APOBEC3G: variants seen among roughly 807,000 people sequenced by gnomAD.
APOBEC3G encodes the protein DNA dC->dU-editing enzyme APOBEC-3G.
Under a neutral mutation model 50.0 loss-of-function variants are expected in APOBEC3G, and 44 were observed. The ratio of observed to expected loss-of-function variants is 0.88; its 90% CI spans 0.69 to 1.13. The LOEUF (loss-of-function observed/expected upper bound fraction) is 1.13. Ranked by LOEUF, APOBEC3G falls within the 50% of genes most tolerant of loss-of-function variation. The pLI is 0.00. For synonymous variants in APOBEC3G, 156 were observed against 175.3 expected (o/e 0.89, Z 0.87); for missense variants, 469 against 492.0 (o/e 0.95, Z 0.44).
chr22:39,086,647 G>C (rs776823029), intron 6 of APOBEC3G, 80 bp downstream of exon 6: 49 of 1,508,304 alleles, frequency 3.2e-5, no homozygotes, highest in Admixed American at 8.4e-5. Context: ...AGTGGGGAGG[G>C]TCGGCATCCC....
At chr22:39,086,692 C>A in intron 6 of APOBEC3G, 125 bp downstream of exon 6, 2 of 1,327,924 alleles carry the variant, frequency 1.5e-6, no homozygotes, top group Non-Finnish European at 2.1e-6. Flanking sequence ...CCTGCAGAGG[C>A]GATGGCTGCA....
intron 5 of APOBEC3G, among the ~76,000 whole-genome samples, chr22:39,084,620 G>A (rs553181755): frequency 9.8e-4 from 149 of 152,264 alleles, no homozygotes; most frequent in African/African-American, 3.5e-3. Flanking sequence ...TGGGATTTGA[G>A]GATCAGGGCC....
intron 1 of APOBEC3G, 186 bp from the exon 2 acceptor site, chr22:39,078,746 C>A: frequency 1.4e-6 from 1 of 697,832 alleles, no homozygotes; most frequent in Non-Finnish European, 2.2e-6. Flanking sequence ...GAATTTCGCT[C>A]TTGTCGCCCA....
At chr22:39,083,926 A>C (rs1355140345) in intron 5 of APOBEC3G, 42 bp downstream of exon 5, 1 of 1,595,300 alleles carries the variant, frequency 6.3e-7, no homozygotes, top group South Asian at 1.1e-5. Context: ...GGCCCTCCCA[A>C]CCCAGGGACA....
At chr22:39,082,308 T>C (rs1322565097) in intron 4 of APOBEC3G, 1 of 152,400 alleles carries the variant, frequency 6.6e-6, no homozygotes, top group Non-Finnish European at 1.5e-5. Flanking sequence ...AGGTCTCATT[T>C]AAGTTAATCA....
At position 39,083,666 on chromosome 22, in the gene APOBEC3G, G is replaced by A. The variant is rs1240927663; in HGVS notation, c.582-65G>A. 4 of 1,561,516 alleles carry A rather than the reference G, an allele frequency of 2.6e-6. No homozygotes were observed. In the South Asian group the frequency reaches 4.7e-5, roughly 18 times the overall value. ...GGGTGCAAGGGAGGAAGCGTGGAGA[G>A]GGAGGGGGAGGTGGGACAGACCAGG... On this transcript the variant is annotated intron_variant, in intron 4 of 7. Coordinates refer to ENST00000407997, the MANE Select transcript of APOBEC3G (RefSeq NM_021822.4).
chr22:39,077,801 C>G (rs560268388), intron 1 of APOBEC3G, among the ~76,000 whole-genome samples: 4 of 152,280 alleles, frequency 2.6e-5, no homozygotes, highest in East Asian at 1.9e-4. Context: ...TGCTTAAATA[C>G]CAAGTCTTAG....
In APOBEC3G at chr22:39,079,612, A is replaced by G. The variant is rs1489338327; in HGVS notation, c.171+527A>G. The G allele has an allele frequency of 2.0e-5, 3 of 152,406 alleles. No individual in the cohort carries two copies. In the East Asian group the frequency reaches 5.8e-4, roughly 30 times the overall value. 9.4% of individuals were successfully genotyped at this position (152,406 alleles called of 1,614,324 possible). A position where few individuals can be genotyped will look rare whatever the true frequency, so the allele number is the denominator to read the frequency against. On this transcript the variant is annotated intron_variant, in intron 2 of 7. Coordinates refer to ENST00000407997, the MANE Select transcript of APOBEC3G (RefSeq NM_021822.4). ...TGTTGGGATTACAGGTGTGAGCCAC[A>G]GCGCCGGCCTAATTTTAATATTTAA... is the stretch of plus-strand genomic sequence containing the variant.
At position 39,083,737 on chromosome 22, in the gene APOBEC3G, G is replaced by A. The variant is rs200230305; in HGVS notation, c.588G>A (p.Ser196=). 1.2e-5 allele frequency: 20 copies of A among 1,613,770 alleles called. No individual in the cohort carries two copies. The East Asian group carries it at 3.6e-4, about 29-fold the overall frequency. Residue 196 remains serine (S), a synonymous_variant, in exon 5 of 8, where the codon TCG becomes TCA. Coordinates refer to ENST00000407997, the MANE Select transcript of APOBEC3G (RefSeq NM_021822.4). Reference sequence around the variant, plus strand: ...CTTTTCCCCCACTTTCCAGACACTCGATGGATCCACCCACATTCACTTTCA... The same window carrying A: ...CTTTTCCCCCACTTTCCAGACACTCAATGGATCCACCCACATTCACTTTCA... ...HIMLGEILRH[S]MDPPTFTFNF...
At chr22:39,077,504 C>G (rs1427055174) in intron 1 of APOBEC3G, 126 bp downstream of exon 1, 9 of 1,484,466 alleles carry the variant, frequency 6.1e-6, no homozygotes, top group Non-Finnish European at 6.4e-6. Context: ...CCTCTGACTC[C>G]CCTGCACCCC....
chr22:39,078,289 AAAC>A (rs1301109236), intron 1 of APOBEC3G, among the ~76,000 whole-genome samples: 12 of 152,184 alleles, frequency 7.9e-5, no homozygotes, highest in African/African-American at 2.7e-4. Context: ...ACAAAAGAAA[AAAC>A]ATGGAATATA....
Position 39,083,894 on chromosome 22 carries a change from C to A in APOBEC3G, c.735+10C>A. ...CTTTCTATGCAACCAGGTGACCAAC[C>A]CAGCCACCCGCATCCAGGCAGGGCC... On this transcript the variant is annotated intron_variant, in intron 5 of 7. Coordinates refer to ENST00000407997, the MANE Select transcript of APOBEC3G (RefSeq NM_021822.4). The A allele has an allele frequency of 6.2e-7, 1 of 1,611,118 alleles. No homozygotes were observed. The highest frequency in any genetic ancestry group is 1.3e-5 in the African/African-American group (1 of 74,986).
At chr22:39,080,765 T>C (rs1928400990) in intron 2 of APOBEC3G, 168 bp from the exon 3 acceptor site, 2 of 655,552 alleles carry the variant, frequency 3.1e-6, no homozygotes, top group Admixed American at 2.9e-5. Context: ...ATACTGAACA[T>C]GAGCTTTGGA....
chr22:39,087,112 C>A lies in APOBEC3G; in HGVS notation c.1126C>A (p.Arg376=). 1.2e-6 allele frequency: 2 copies of A among 1,613,954 alleles called. No individual in the cohort carries two copies. The highest frequency in any genetic ancestry group is 1.7e-4 in the Middle Eastern group (1 of 5,932). The stretch of plus-strand genomic sequence containing the variant: ...CAGCCAAGACCTGAGTGGGAGGCTG[C>A]GGGCCATTCTCCAGGTGAGGGCTTC... ...EHSQDLSGRL[R]AILQNQEN is the part of the protein sequence containing the mutation. Residue 376 remains arginine (R), a synonymous_variant, in exon 7 of 8, where the codon CGG becomes AGG. Coordinates refer to ENST00000407997, the MANE Select transcript of APOBEC3G (RefSeq NM_021822.4).
intron 1 of APOBEC3G, 158 bp from the exon 2 acceptor site, chr22:39,078,774 G>T: frequency 2.0e-6 from 2 of 986,650 alleles, no homozygotes; most frequent in Non-Finnish European, 1.4e-6. Context: ...GTGTAGTGGC[G>T]CGATCTTGGC....
intron 1 of APOBEC3G, chr22:39,078,729 T>G: frequency 4.9e-6 from 3 of 612,264 alleles, no homozygotes; most frequent in Admixed American, 3.4e-5. Flanking sequence ...TCTTTTTTTT[T>G]GAGACGGAAT....
chr22:39,080,949 A>T lies in APOBEC3G; in HGVS notation c.188A>T (p.Lys63Met). 1 of 1,613,738 alleles carries T rather than the reference A, an allele frequency of 6.2e-7. No individual in the cohort carries two copies. Among genetic ancestry groups the T allele is most frequent in the Non-Finnish European group, 8.5e-7 (1 of 1,179,770 alleles). ...CTCTCCCAGGTGTATTCCGAACTTA[A>T]GTACCACCCAGAGATGAGATTCTTC... ...IFRGQVYSELKYHPEMRFFHW... is the reference protein window; with the variant it reads ...IFRGQVYSELMYHPEMRFFHW... Residue 63 changes from lysine to methionine, a missense_variant, in exon 3 of 8, where the codon AAG (lysine) becomes ATG (methionine). Physicochemically the swap from Lys to Met is moderately conservative, Grantham distance 95 (BLOSUM62 -1). Transcript: ENST00000407997.
chr22:39,081,416 G>A, intron 3 of APOBEC3G, 55 bp from the exon 4 acceptor site: 1 of 1,576,984 alleles, frequency 6.3e-7, no homozygotes, highest in Non-Finnish European at 8.7e-7. Context: ...AGGGTCCCGA[G>A]GTCACAGAAG....
In APOBEC3G at chr22:39,086,999, G is replaced by C. The variant is rs776777572; in HGVS notation, c.1025-12G>C. 1.3e-5 allele frequency: 20 copies of C among 1,595,908 alleles called. No homozygotes were observed. The South Asian group carries it at 1.6e-4, about 13-fold the overall frequency. ...AGCGGGAGTGTGACTTATCTCCCCT[G>C]TCCCTTTTCAGAATTTAAGCACTGC... On this transcript the variant is annotated splice_polypyrimidine_tract_variant and intron_variant, in intron 6 of 7. Coordinates refer to ENST00000407997, the MANE Select transcript of APOBEC3G (RefSeq NM_021822.4).
Sources: gnomAD v4.1 joint callset for allele counts (sites outside exome capture counted in the v4.1 genomes callset) on GRCh38, gnomAD v4.1.1 for gene constraint, MANE v1.5 for transcripts, NCBI Gene and HGNC (gene_info 2026-07-23, HGNC 2026-07-21) for gene names.